PLEKHG3: variants seen among roughly 807,000 people sequenced by gnomAD.
PLEKHG3 encodes pleckstrin homology domain-containing family G member 3.
Under a neutral mutation model 94.9 loss-of-function variants are expected in PLEKHG3, and 62 were observed. The ratio of observed to expected loss-of-function variants is 0.65; its 90% confidence interval spans 0.53 to 0.81. The LOEUF (loss-of-function observed/expected upper bound fraction) is 0.81. Among genes scored for constraint, PLEKHG3 ranks in the 30% least tolerant of loss-of-function variants. The pLI, the probability that PLEKHG3 is intolerant of heterozygous loss-of-function variation, is 0.00. For synonymous variants in PLEKHG3, 614 were observed against 654.0 expected (o/e 0.94, Z 0.93); for missense variants, 1,461 against 1,619.3 (o/e 0.90, Z 1.68).
chr14:64,717,487 A>G lies in PLEKHG3; in HGVS notation c.-39-10106A>G, dbSNP rs1211131716. On this transcript the variant is annotated intron_variant, in intron 1 of 16. Transcript: ENST00000247226. The surrounding 1 kb of genome is among the most constrained non-coding windows in gnomAD (Gnocchi z 4.7). ...AACCCTTGGGTAGTAAGATGCACAC[A>G]AACTCCTCCCCCAGCCCAGTTGAGA... Among the ~76,000 whole-genome samples the G allele has an allele frequency of 6.6e-6, 1 of 152,158 alleles. No individual in the cohort carries two copies. The highest frequency in any genetic ancestry group is 1.5e-5 in the Non-Finnish European group (1 of 68,026).
At chr14:64,740,988 C>T (rs375088118) in intron 15 of PLEKHG3, 48 bp from the exon 16 acceptor site, 75 of 1,462,896 alleles carry the variant, frequency 5.1e-5, no homozygotes, top group Non-Finnish European at 6.7e-5. Context: ...CCCCGGATCC[C>T]ATGAAGGAGG....
rs770234654 is a variant in PLEKHG3, at chr14:64,749,492, C to G, written c.*5789C>G. On this transcript the variant is annotated 3_prime_UTR_variant, in exon 17 of 17. Coordinates refer to ENST00000247226, the MANE Select transcript of PLEKHG3 (RefSeq NM_001308147.2). This position sits in a 1 kb window ranked among gnomAD's most constrained non-coding sequence, Gnocchi z 4.7. ...TCTCCTCCTGCGGGGCGGAGGGTCA[C>G]GGTGGAGTCTGGAGGCCCACAGCCC... 5.1e-5 allele frequency: 82 copies of G among 1,598,336 alleles called. No individual in the cohort carries two copies. The highest frequency in any genetic ancestry group is 6.8e-5 in the Non-Finnish European group (80 of 1,177,812).
chr14:64,704,883 C>G lies in PLEKHG3; in HGVS notation c.-40+179C>G, dbSNP rs1200498049. On this transcript the variant is annotated intron_variant, in intron 1 of 16. Coordinates refer to ENST00000247226, the MANE Select transcript of PLEKHG3 (RefSeq NM_001308147.2). This position sits in a 1 kb window ranked among gnomAD's most constrained non-coding sequence, Gnocchi z 5.6. The stretch of plus-strand genomic sequence containing the variant: ...ACTGTGTTGGCTGCTTCCCGGGCCA[C>G]CCTGCCGCAGAGTGCGCGAGCGCAG... 2.0e-5 allele frequency among the ~76,000 whole-genome samples: 3 copies of G among 152,256 alleles called. No individual in the cohort carries two copies. Among genetic ancestry groups the G allele is most frequent in the African/African-American group, 7.2e-5 (3 of 41,478 alleles).
At chr14:64,742,531 C>T (rs1431426888) in intron 16 of PLEKHG3, 76 bp downstream of exon 16, 8 of 1,108,186 alleles carry the variant, frequency 7.2e-6, no homozygotes, top group African/African-American at 4.7e-5. Context: ...CTTGGCTCCT[C>T]GGGGAAAGTG....
chr14:64,706,127 C>T (rs567017762), intron 1 of PLEKHG3, among the ~76,000 whole-genome samples: 1 of 152,274 alleles, frequency 6.6e-6, no homozygotes, highest in South Asian at 2.1e-4. Context: ...AGTGGCATGG[C>T]AGGGGAAGTG....
intron 15 of PLEKHG3, among the ~76,000 whole-genome samples, chr14:64,740,822 G>T (rs889193272): frequency 6.6e-6 from 1 of 152,160 alleles, no homozygotes; most frequent in African/African-American, 2.4e-5. Context: ...GAGGACATGG[G>T]CCCAGCACCC....
chr14:64,742,447 G>A lies in PLEKHG3; in HGVS notation c.2930G>A (p.Gly977Asp). ...CLQEEAGEPL[G>D]GKGKRKPVLS... Reference sequence around the variant, plus strand: ...CAGGAAGAGGCTGGAGAGCCATTAGGTGGCAAAGGTATGACAGAAGCGGCA... The same window carrying A: ...CAGGAAGAGGCTGGAGAGCCATTAGATGGCAAAGGTATGACAGAAGCGGCA... Residue 977 changes from glycine to aspartate, a missense_variant, in exon 16 of 17, where the codon GGT becomes GAT. Around this residue, in one of 3 missense-constraint regions of PLEKHG3, gnomAD observed 1,201 missense variants for 1,295.5 expected, o/e 0.93. Coordinates refer to ENST00000247226, the MANE Select transcript of PLEKHG3 (RefSeq NM_001308147.2). 6.2e-7 allele frequency: 1 copy of A among 1,605,394 alleles called. No homozygotes were observed. The highest frequency in any genetic ancestry group is 1.1e-5 in the South Asian group (1 of 90,760).
In PLEKHG3 at chr14:64,750,053, G is replaced by A; in HGVS notation, c.*6350G>A. ...ACAGATGGCATGTCTCAGGGCCAGG[G>A]GTTCCTCCCCATGGTAGGGCATCCC... On this transcript the variant is annotated 3_prime_UTR_variant, in exon 17 of 17. Transcript: ENST00000247226. 6.2e-7 allele frequency: 1 copy of A among 1,614,152 alleles called. No individual in the cohort carries two copies.
In PLEKHG3 at chr14:64,732,711, G is replaced by A. The variant is rs1015854319; in HGVS notation, c.1247-92G>A. Reference sequence around the variant, plus strand: ...AGGCTCCTGGCCCTGGAGCTGGGTGGGTATAGAGGTCTGGCTGGTTATGGA... The same window carrying A: ...AGGCTCCTGGCCCTGGAGCTGGGTGAGTATAGAGGTCTGGCTGGTTATGGA... On this transcript the variant is annotated intron_variant, in intron 11 of 16. Transcript: ENST00000247226. This position sits in a 1 kb window ranked among gnomAD's most constrained non-coding sequence, Gnocchi z 4.9. 2.1e-6 allele frequency: 2 copies of A among 945,300 alleles called. No individual in the cohort carries two copies. The highest frequency in any genetic ancestry group is 3.3e-5 in the African/African-American group (2 of 60,710). 58.6% of individuals were successfully genotyped at this position (945,300 alleles called of 1,614,324 possible).
Position 64,723,323 on chromosome 14 carries a change from A to T in PLEKHG3, c.-39-4270A>T, listed in dbSNP as rs1485476280. 2.6e-5 allele frequency among the ~76,000 whole-genome samples: 4 copies of T among 152,128 alleles called. No homozygotes were observed. Among genetic ancestry groups the T allele is most frequent in the Non-Finnish European group, 5.9e-5 (4 of 68,018 alleles). ...GTGGTGGCTCACACCTGTTAATCCC[A>T]GCACTTTAGGAGGCTGAGGCAGGAG... On this transcript the variant is annotated intron_variant, in intron 1 of 16. Coordinates refer to ENST00000247226, the MANE Select transcript of PLEKHG3 (RefSeq NM_001308147.2). This position sits in a 1 kb window ranked among gnomAD's most constrained non-coding sequence, Gnocchi z 4.5.
At chr14:64,733,160 TTTTC>T (rs1024605560) in intron 12 of PLEKHG3, among the ~76,000 whole-genome samples, 7 of 135,268 alleles carry the variant, frequency 5.2e-5, no homozygotes, top group East Asian at 1.9e-4. Context: ...TTTCTTTTCT[TTTTC>T]TTTTTTTTTT....
chr14:64,741,428 G>T lies in PLEKHG3; in HGVS notation c.1911G>T (p.Arg637=), dbSNP rs1308851731. 3 of 1,612,778 alleles carry T rather than the reference G, an allele frequency of 1.9e-6. No individual in the cohort carries two copies. The highest frequency in any genetic ancestry group is 3.3e-5 in the Admixed American group (2 of 60,014). The change falls in exon 16 of 17, where the codon CGG becomes CGT. Residue 637 remains arginine (R), a synonymous_variant. Transcript: ENST00000247226. The part of the protein sequence containing the change: ...SGFGSPRLVS[R]SSSVLSLEGS... ...TTGGGAGCCCGCGGCTGGTCAGCCG[G>T]AGCAGCAGCGTGCTCAGCCTGGAGG...
At chr14:64,709,097 A>C (rs1384006959) in intron 1 of PLEKHG3, among the ~76,000 whole-genome samples, 1 of 152,180 alleles carries the variant, frequency 6.6e-6, no homozygotes, top group African/African-American at 2.4e-5. Flanking sequence ...GCCTGGGGAT[A>C]AAGGTTGGCC....
chr14:64,710,868 G>A (rs2081057542), intron 1 of PLEKHG3, among the ~76,000 whole-genome samples: 2 of 151,838 alleles, frequency 1.3e-5, no homozygotes, highest in South Asian at 4.2e-4. Flanking sequence ...CACACCTTGG[G>A]TGTCTGGGGA....
intron 1 of PLEKHG3, among the ~76,000 whole-genome samples, chr14:64,710,251 G>A (rs2081046868): frequency 6.6e-6 from 1 of 152,184 alleles, no homozygotes; most frequent in Non-Finnish European, 1.5e-5. Flanking sequence ...TTATTTGCAT[G>A]TAGCCAAGAA....
In PLEKHG3 at chr14:64,749,132, G is replaced by T; in HGVS notation, c.*5429G>T. 1 of 682,366 alleles carries T rather than the reference G, an allele frequency of 1.5e-6. No homozygotes were observed. The highest frequency in any genetic ancestry group is 2.3e-6 in the Non-Finnish European group (1 of 432,362). 42.3% of individuals were successfully genotyped at this position (682,366 alleles called of 1,614,324 possible). ...CGGGCGAGGGCATGGAGGGGGCGTC[G>T]GCCCAGGACACGCGGGCGAAGGCAG... On this transcript the variant is annotated 3_prime_UTR_variant, in exon 17 of 17. Coordinates refer to ENST00000247226, the MANE Select transcript of PLEKHG3 (RefSeq NM_001308147.2). This position sits in a 1 kb window ranked among gnomAD's most constrained non-coding sequence, Gnocchi z 4.7.
chr14:64,742,540 T>A, intron 16 of PLEKHG3, 85 bp downstream of exon 16: 1 of 1,033,066 alleles, frequency 9.7e-7, no homozygotes, highest in Non-Finnish European at 1.4e-6. Context: ...TCGGGGAAAG[T>A]GACCTCTAAG....
intron 12 of PLEKHG3, among the ~76,000 whole-genome samples, chr14:64,735,650 T>C (rs2081555217): frequency 6.6e-6 from 1 of 152,120 alleles, no homozygotes; most frequent in Admixed American, 6.5e-5. Context: ...AAGAAATCAA[T>C]CTGTTGAACT....
Position 64,746,892 on chromosome 14 carries a change from G to GA in PLEKHG3, c.*3202dup, listed in dbSNP as rs374341385. 5.8e-3 allele frequency: 828 copies of GA among 141,930 alleles called. No individual in the cohort carries two copies. Among genetic ancestry groups the GA allele is most frequent in the South Asian group, 0.022 (99 of 4,434 alleles). 8.8% of individuals were successfully genotyped at this position (141,930 alleles called of 1,614,324 possible). ...AAGACTGTAGAGTAGAATAAGGAGA[G>GA]AAAAAAAAAAAAAGACCTTGCTAGG... On this transcript the variant is annotated 3_prime_UTR_variant, in exon 17 of 17. Coordinates refer to ENST00000247226, the MANE Select transcript of PLEKHG3 (RefSeq NM_001308147.2). The surrounding 1 kb of genome is among the most constrained non-coding windows in gnomAD (Gnocchi z 4.9).
Sources: gnomAD v4.1 joint callset for allele counts (sites outside exome capture counted in the v4.1 genomes callset) on GRCh38, gnomAD v4.1.1 for gene constraint, gnomAD v4.1.1 regional missense constraint, Gnocchi (gnomAD v3.1) non-coding constraint, MANE v1.5 for transcripts, NCBI Gene and HGNC (gene_info 2026-07-23, HGNC 2026-07-21) for gene names.